XKR6: variants seen among roughly 807,000 people sequenced by gnomAD.
XKR6 encodes XK-related protein 6.
In XKR6, 22 loss-of-function variants were observed where a neutral mutation model predicts 56.7. The observed-to-expected ratio is 0.39, with a 90% CI of 0.28 to 0.55. The LOEUF is 0.55. Among genes scored for constraint, XKR6 ranks in the 20% least tolerant of loss-of-function variants. XKR6 has a pLI of 0.66. For synonymous variants in XKR6, 524 were observed against 387.8 expected, an observed-to-expected ratio of 1.35 and a Z score of -4.13; for missense variants, 852 against 889.0, an observed-to-expected ratio of 0.96 and a Z score of 0.53.
chr8:11,167,011 G>A (rs1464112855), intron 1 of XKR6, among the ~76,000 whole-genome samples: 2 of 152,198 alleles, frequency 1.3e-5, no homozygotes, highest in South Asian at 4.1e-4. Flanking sequence ...TCTGTTGCCT[G>A]CAGCGTGTGT....
chr8:11,137,475 T>C (rs1276028662), intron 1 of XKR6: 2 of 438,624 alleles, frequency 4.6e-6, no homozygotes, highest in Admixed American at 5.1e-5. Flanking sequence ...CACGGAAGTC[T>C]TATCTGAGAA....
intron 1 of XKR6, among the ~76,000 whole-genome samples, chr8:11,059,775 C>A (rs760336590): frequency 6.6e-6 from 1 of 151,862 alleles, no homozygotes; most frequent in African/African-American, 2.4e-5. Context: ...CCGCTGTAAC[C>A]CCCTGCGCGA....
chr8:10,985,496 C>T (rs1199137688), intron 1 of XKR6, among the ~76,000 whole-genome samples: 2 of 151,768 alleles, frequency 1.3e-5, no homozygotes, highest in Non-Finnish European at 2.9e-5. Context: ...AAAGCTTGTT[C>T]CCTTAACCGT....
intron 1 of XKR6, among the ~76,000 whole-genome samples, chr8:11,033,398 C>CAATA (rs1563357978): frequency 7.7e-6 from 1 of 129,074 alleles, no homozygotes; most frequent in African/African-American, 2.9e-5. Context: ...ATGATGATGA[C>CAATA]GATAGTGATG....
At chr8:11,087,966 A>G (rs1797945823) in intron 1 of XKR6, among the ~76,000 whole-genome samples, 1 of 152,270 alleles carries the variant, frequency 6.6e-6, no homozygotes, top group African/African-American at 2.4e-5. Flanking sequence ...CATTAAAACA[A>G]ACAACTTGCA....
chr8:11,190,373 C>G (rs1803512046), intron 1 of XKR6, among the ~76,000 whole-genome samples: 1 of 152,142 alleles, frequency 6.6e-6, no homozygotes, highest in Non-Finnish European at 1.5e-5. Flanking sequence ...AGAGAACCAA[C>G]ATATTTGAGT....
intron 1 of XKR6, among the ~76,000 whole-genome samples, chr8:11,052,234 A>C (rs1380760223): frequency 6.6e-6 from 1 of 151,794 alleles, no homozygotes; most frequent in African/African-American, 2.4e-5. Flanking sequence ...GCTCCTTCCC[A>C]CCACCGAGGT....
At chr8:11,184,607 T>C (rs1257185669) in intron 1 of XKR6, among the ~76,000 whole-genome samples, 1 of 152,170 alleles carries the variant, frequency 6.6e-6, no homozygotes, top group Non-Finnish European at 1.5e-5. Flanking sequence ...TTACAAAACA[T>C]ACTGACCTGT....
At chr8:11,194,304 A>C (rs1169104545) in intron 1 of XKR6, 2 of 152,228 alleles carry the variant, frequency 1.3e-5, no homozygotes, top group Non-Finnish European at 2.9e-5. Flanking sequence ...TGTAACTTGC[A>C]GAGTGAGAAA....
intron 1 of XKR6, among the ~76,000 whole-genome samples, chr8:11,036,898 C>G (rs1179410712): frequency 6.6e-6 from 1 of 152,194 alleles, no homozygotes; most frequent in African/African-American, 2.4e-5. Flanking sequence ...GTGCCCCATC[C>G]TAGGCAGTGC....
intron 1 of XKR6, among the ~76,000 whole-genome samples, chr8:10,957,702 C>T (rs981064864): frequency 1.3e-5 from 2 of 152,164 alleles, no homozygotes; most frequent in Admixed American, 1.3e-4. Context: ...CCTGGCCATC[C>T]AGGAGTGAGG....
intron 1 of XKR6, chr8:11,108,799 C>T (rs1298782104): frequency 2.4e-5 from 4 of 167,832 alleles, no homozygotes; most frequent in African/African-American, 9.6e-5. Flanking sequence ...TGGATTGGGG[C>T]TTCCTGACAC....
intron 1 of XKR6, among the ~76,000 whole-genome samples, chr8:11,010,295 C>T (rs1294181736): frequency 6.6e-6 from 1 of 152,192 alleles, no homozygotes. Context: ...GGCCCCTCTT[C>T]CAACATTGGG....
intron 1 of XKR6, among the ~76,000 whole-genome samples, chr8:11,025,521 G>T (rs896805221): frequency 4.6e-5 from 7 of 152,166 alleles, no homozygotes; most frequent in African/African-American, 1.7e-4. Context: ...CTTAGAGTGG[G>T]GGCGGCCTGG....
At chr8:11,139,346 G>C (rs528607875) in intron 1 of XKR6, among the ~76,000 whole-genome samples, 12 of 152,224 alleles carry the variant, frequency 7.9e-5, no homozygotes, top group African/African-American at 2.6e-4. Flanking sequence ...ACGCAGGTAG[G>C]GAGGCAGTGA....
chr8:11,151,606 C>A (rs530675711), intron 1 of XKR6, among the ~76,000 whole-genome samples: 124 of 152,276 alleles, frequency 8.1e-4, no homozygotes, highest in African/African-American at 2.4e-3. Flanking sequence ...ACGGCGCAGT[C>A]TGGAAGCCTG....
At chr8:11,043,221 G>GA (rs375894170) in intron 1 of XKR6, among the ~76,000 whole-genome samples, 45 of 106,594 alleles carry the variant, frequency 4.2e-4, no homozygotes, top group Admixed American at 1.4e-3. Flanking sequence ...AAGAGGAAGA[G>GA]AAAAAAAAAA....
At chr8:11,051,478 A>G (rs1324367427) in intron 1 of XKR6, among the ~76,000 whole-genome samples, 1 of 152,174 alleles carries the variant, frequency 6.6e-6, no homozygotes, top group Non-Finnish European at 1.5e-5. Flanking sequence ...TTTCCCCTCC[A>G]GGCCTGTTCT....
intron 1 of XKR6, among the ~76,000 whole-genome samples, chr8:11,147,501 C>T (rs1432551904): frequency 6.6e-6 from 1 of 151,776 alleles, no homozygotes; most frequent in East Asian, 1.9e-4. Context: ...ACTAAAAATA[C>T]AAAAATTAGC....
Sources: gnomAD v4.1 joint callset for allele counts (sites outside exome capture counted in the v4.1 genomes callset) on GRCh38, gnomAD v4.1.1 for gene constraint, MANE v1.5 for transcripts, NCBI Gene and HGNC (gene_info 2026-07-23, HGNC 2026-07-21) for gene names.